Variants in ITSN1 observed in about 807,000 individuals in gnomAD.
ITSN1 encodes the protein intersectin 1.
A neutral mutation model predicts 239.8 loss-of-function variants in ITSN1; 58 were observed. The ratio of observed to expected loss-of-function variants is 0.24; its 90% CI spans 0.20 to 0.30. The LOEUF (loss-of-function observed/expected upper bound fraction) is 0.30. ITSN1 is among the 10% of genes least tolerant of loss of function. The probability of loss-of-function intolerance (pLI) is 1.00; values close to 1 mark genes in which losing one functional copy is unlikely to be tolerated. For missense variants in ITSN1, 1,558 were observed against 2,103.3 expected (o/e 0.74, Z 5.07); for synonymous variants, 780 against 770.8 (o/e 1.01, Z -0.20).
chr21:33,814,600 A>G lies in ITSN1; in HGVS notation c.2727+528A>G, dbSNP rs370418516. On this transcript the variant is annotated intron_variant, in intron 22 of 39. Coordinates refer to ENST00000381318, the MANE Select transcript of ITSN1 (RefSeq NM_003024.3). ...TAGTTCTCTTTTGCTTAATACAATA[A>G]TGATAAAATACTCAAATTTCTATCA... 400 of 152,932 alleles carry G rather than the reference A, an allele frequency of 2.6e-3. 6 individuals are homozygous for G. The South Asian group carries it at 0.045, about 17-fold the overall frequency. The allele number at this position is 152,932 out of a possible 1,614,324, so 9.5% of individuals were successfully genotyped here. A position where few individuals can be genotyped will look rare whatever the true frequency, so the allele number is the denominator to read the frequency against.
chr21:33,667,147 T>TA (rs35164633), intron 1 of ITSN1, among the ~76,000 whole-genome samples: 4 of 151,762 alleles, frequency 2.6e-5, no homozygotes, highest in Non-Finnish European at 5.9e-5. Context: ...TTTTTTTTTT[T>TA]AAACTCTTTT....
chr21:33,834,280 T>C, intron 27 of ITSN1, 27 bp from the exon 28 acceptor site: 10 of 1,535,084 alleles, frequency 6.5e-6, no homozygotes, highest in Non-Finnish European at 9.0e-6. Context: ...CCTTTAAAAA[T>C]GTTTGATGTA....
chr21:33,692,302 A>G (rs2091584780), intron 1 of ITSN1, among the ~76,000 whole-genome samples: 1 of 152,218 alleles, frequency 6.6e-6, no homozygotes, highest in Admixed American at 6.5e-5. Context: ...GGTCCGTACC[A>G]GTAAGCACCC....
chr21:33,737,214 A>G (rs1224026357), intron 5 of ITSN1, among the ~76,000 whole-genome samples: 3 of 152,170 alleles, frequency 2.0e-5, no homozygotes, highest in Non-Finnish European at 4.4e-5. Context: ...ATTTAGTTTC[A>G]GGAGGTTGTG....
intron 5 of ITSN1, chr21:33,735,481 GT>G (rs774042488): frequency 0.069 from 17,812 of 258,970 alleles, no homozygotes; most frequent in South Asian, 0.11. Flanking sequence ...CAGCTTCTGG[GT>G]TTTTTTTTTT....
Position 33,694,816 on chromosome 21 carries a change from C to CA in ITSN1, c.-32-23973dup, listed in dbSNP as rs539698457. ...CCTGGGAGACAGAGCAAGAGTGTCT[C>CA]AAAAAAAACAAAAAACAAAAAACAG... is the stretch of plus-strand genomic sequence containing the variant. On this transcript the variant is annotated intron_variant, in intron 1 of 39. Transcript: ENST00000381318. Among the ~76,000 whole-genome samples the CA allele has an allele frequency of 2.5e-4, 38 of 151,206 alleles. No individual in the cohort carries two copies. In the South Asian group the frequency reaches 5.0e-3, roughly 20 times the overall value.
intron 1 of ITSN1, among the ~76,000 whole-genome samples, chr21:33,711,652 TTG>T (rs58696981): frequency 0.15 from 20,215 of 134,618 alleles, 1,688 homozygotes; most frequent in East Asian, 0.41. Context: ...TTTCTGTGTG[TTG>T]TGTGTGTGTG....
intron 1 of ITSN1, among the ~76,000 whole-genome samples, chr21:33,674,099 C>T (rs1321371691): frequency 2.0e-5 from 3 of 152,084 alleles, no homozygotes; most frequent in Non-Finnish European, 2.9e-5. Context: ...TTAATGTGTT[C>T]CTTGAGGCAG....
At chr21:33,728,770 G>C (rs1177481405) in intron 4 of ITSN1, among the ~76,000 whole-genome samples, 1 of 152,030 alleles carries the variant, frequency 6.6e-6, no homozygotes, top group African/African-American at 2.4e-5. Flanking sequence ...AAAATAATCT[G>C]GTTTGTTCTC....
chr21:33,727,924 C>A (rs1177863180), intron 4 of ITSN1, among the ~76,000 whole-genome samples: 4 of 152,156 alleles, frequency 2.6e-5, no homozygotes, highest in African/African-American at 9.6e-5. Flanking sequence ...TTCTCTCTTT[C>A]ACACTTGCCC....
chr21:33,732,436 A>C (rs1372192158), intron 4 of ITSN1, among the ~76,000 whole-genome samples: 1 of 152,116 alleles, frequency 6.6e-6, no homozygotes, highest in East Asian at 1.9e-4. Flanking sequence ...GGGGGGCTCA[A>C]AATTTTGTTT....
chr21:33,824,016 T>C (rs1569255597), intron 25 of ITSN1, among the ~76,000 whole-genome samples: 2 of 152,204 alleles, frequency 1.3e-5, no homozygotes, highest in South Asian at 2.1e-4. Context: ...CCAAGAATGG[T>C]AGCAATATTT....
intron 12 of ITSN1, among the ~76,000 whole-genome samples, chr21:33,774,082 T>G (rs567773727): frequency 6.6e-6 from 1 of 152,218 alleles, no homozygotes; most frequent in East Asian, 1.9e-4. Flanking sequence ...AATGATATTC[T>G]AGAGTATTTA....
At chr21:33,825,764 TGA>T (rs1275765763) in intron 25 of ITSN1, among the ~76,000 whole-genome samples, 1 of 152,174 alleles carries the variant, frequency 6.6e-6, no homozygotes, top group African/African-American at 2.4e-5. Context: ...TGAAAAATAG[TGA>T]GAGATTGCTT....
intron 13 of ITSN1, 31 bp downstream of exon 13, chr21:33,774,909 A>G (rs934910775): frequency 1.2e-6 from 2 of 1,604,826 alleles, no homozygotes; most frequent in Non-Finnish European, 8.5e-7. Context: ...CTTTGAAAAT[A>G]TACTAAGATG....
chr21:33,732,586 G>A (rs775471499), intron 4 of ITSN1, among the ~76,000 whole-genome samples: 6 of 152,050 alleles, frequency 3.9e-5, no homozygotes, highest in African/African-American at 1.2e-4. Flanking sequence ...TGTCTTAGAA[G>A]GCAGTAAGAC....
intron 5 of ITSN1, among the ~76,000 whole-genome samples, chr21:33,746,670 G>A (rs1442668253): frequency 2.6e-5 from 4 of 152,022 alleles, no homozygotes; most frequent in Non-Finnish European, 5.9e-5. Context: ...ATGAAACCCC[G>A]TCTCTGCTGA....
At chr21:33,659,925 T>C (rs1303806061) in intron 1 of ITSN1, among the ~76,000 whole-genome samples, 6 of 151,700 alleles carry the variant, frequency 4.0e-5, no homozygotes, top group Admixed American at 3.9e-4. Flanking sequence ...ATCTCACTGG[T>C]CTCAAACTCC....
intron 4 of ITSN1, among the ~76,000 whole-genome samples, chr21:33,734,147 A>G (rs1048773031): frequency 6.6e-6 from 1 of 152,206 alleles, no homozygotes; most frequent in Non-Finnish European, 1.5e-5. Flanking sequence ...TATCTGGATT[A>G]AAAGAAATAA....
Sources: allele counts gnomAD v4.1 joint callset (sites outside exome capture counted in the v4.1 genomes callset), GRCh38; gene constraint gnomAD v4.1.1; transcripts MANE v1.5; gene names NCBI Gene and HGNC (gene_info 2026-07-23, HGNC 2026-07-21).